KLF8: variants seen among roughly 807,000 people sequenced by gnomAD.
The protein encoded by KLF8 is Krueppel-like factor 8.
KLF8 carries 10 observed loss-of-function variants against 18.2 expected under a neutral mutation model. That is an observed-to-expected ratio of 0.55 (90% CI 0.34 to 0.93). KLF8 has a LOEUF of 0.93. Ranked by LOEUF, KLF8 falls within the 40% of genes least tolerant of loss-of-function variation. The probability of loss-of-function intolerance (pLI) is 0.02; values close to 1 mark genes in which losing one functional copy is unlikely to be tolerated. For synonymous variants in KLF8, 109 were observed against 97.3 expected (o/e 1.12, Z -0.71); for missense variants, 264 against 277.9 (o/e 0.95, Z 0.36).
the KLF8 span, among the ~76,000 whole-genome samples, chrX:56,093,173 C>G: frequency 1.6e-4 from 18 of 110,926 alleles, no homozygotes; most frequent in Non-Finnish European, 2.8e-4. Context: ...TAATAATAAA[C>G]AACAAACCAG....
the KLF8 span, among the ~76,000 whole-genome samples, chrX:55,987,324 A>T: frequency 2.7e-4 from 30 of 110,211 alleles, 1 homozygote; most frequent in East Asian, 8.3e-3. Context: ...AACATTAGGT[A>T]TATCTCCTAA....
At chrX:55,956,156 T>G in the KLF8 span, among the ~76,000 whole-genome samples, 14 of 100,364 alleles carry the variant, frequency 1.4e-4, no homozygotes, top group African/African-American at 6.4e-4. Context: ...TATCTATCTA[T>G]CTATCTATCT....
At position 56,288,986 on chromosome X, in the gene KLF8, T is replaced by C. The variant is rs763669777; in HGVS notation, c.*4492T>C. ...AAAGGAAATCACTATGTGCAGCCCA[T>C]GCTTCTGGAGTGGTAAGTTATATGC... On this transcript the variant is annotated 3_prime_UTR_variant, in exon 6 of 6. Transcript: ENST00000468660. 8.9e-6 allele frequency among the ~76,000 whole-genome samples: 1 copy of C among 112,128 alleles called. No individual in the cohort carries two copies. The highest frequency in any genetic ancestry group is 3.8e-4 in the South Asian group (1 of 2,666).
At chrX:56,166,966 A>C in the KLF8 span, among the ~76,000 whole-genome samples, 244 of 111,361 alleles carry the variant, frequency 2.2e-3, 1 homozygote, top group African/African-American at 7.7e-3. Flanking sequence ...ATGAGTTCTG[A>C]TGCATGTGTT....
At chrX:55,994,150 T>G in the KLF8 span, among the ~76,000 whole-genome samples, 1 of 110,325 alleles carries the variant, frequency 9.1e-6, no homozygotes, top group Non-Finnish European at 1.9e-5. Flanking sequence ...GGCCTCATGA[T>G]CCACCTGCCT....
the KLF8 span, among the ~76,000 whole-genome samples, chrX:55,946,255 C>T: frequency 1.8e-5 from 2 of 111,763 alleles, no homozygotes; most frequent in South Asian, 7.5e-4. Flanking sequence ...GCTACAGTAA[C>T]CAAAACAGCA....
At chrX:55,987,103 G>A in the KLF8 span, among the ~76,000 whole-genome samples, 1 of 110,648 alleles carries the variant, frequency 9.0e-6, no homozygotes. Flanking sequence ...TATTTTTATG[G>A]TAGAATGATT....
chrX:56,009,220 C>T, the KLF8 span, among the ~76,000 whole-genome samples: 22 of 110,617 alleles, frequency 2.0e-4, no homozygotes, highest in Non-Finnish European at 1.7e-4. Context: ...CAGTCTGGGA[C>T]GGAGCTCCCA....
chrX:56,125,968 T>C, the KLF8 span, among the ~76,000 whole-genome samples: 8 of 112,371 alleles, frequency 7.1e-5, no homozygotes, highest in Non-Finnish European at 1.5e-4. Flanking sequence ...TAAATTGTAG[T>C]GATTTTTATA....
At chrX:56,192,568 T>C in the KLF8 span, among the ~76,000 whole-genome samples, 1 of 111,809 alleles carries the variant, frequency 8.9e-6, no homozygotes, top group Non-Finnish European at 1.9e-5. Flanking sequence ...CTACAAATTA[T>C]GCAAAATCTA....
At chrX:56,068,336 C>G in the KLF8 span, among the ~76,000 whole-genome samples, 1 of 110,763 alleles carries the variant, frequency 9.0e-6, no homozygotes, top group Non-Finnish European at 1.9e-5. Context: ...CCCGACAGCC[C>G]ACTTCTGTTT....
the KLF8 span, among the ~76,000 whole-genome samples, chrX:56,160,971 T>C: frequency 9.0e-6 from 1 of 111,485 alleles, no homozygotes; most frequent in Non-Finnish European, 1.9e-5. Flanking sequence ...GTTGATGCAG[T>C]TTCTTCCTAG....
intron 2 of KLF8, among the ~76,000 whole-genome samples, chrX:56,260,508 C>T (rs1489344338): frequency 8.9e-6 from 1 of 111,877 alleles, no homozygotes; most frequent in Non-Finnish European, 1.9e-5. Flanking sequence ...TATATGCATA[C>T]ATATACATAT....
At chrX:56,072,690 T>C in the KLF8 span, among the ~76,000 whole-genome samples, 1 of 112,424 alleles carries the variant, frequency 8.9e-6, no homozygotes, top group African/African-American at 3.2e-5. Flanking sequence ...GTAAAAAATT[T>C]ATTCTGGTGA....
chrX:55,956,970 C>G, the KLF8 span, among the ~76,000 whole-genome samples: 1 of 111,283 alleles, frequency 9.0e-6, no homozygotes, highest in Admixed American at 9.6e-5. Context: ...AAATCATTGT[C>G]AAGTTCAATG....
At chrX:56,003,016 T>A in the KLF8 span, among the ~76,000 whole-genome samples, 6 of 112,191 alleles carry the variant, frequency 5.3e-5, no homozygotes, top group African/African-American at 1.9e-4. Context: ...TATTCACTTT[T>A]AGCTTTCACT....
chrX:56,094,236 G>T, the KLF8 span, among the ~76,000 whole-genome samples: 1 of 110,279 alleles, frequency 9.1e-6, no homozygotes, highest in African/African-American at 3.3e-5. Flanking sequence ...TAAATATAAA[G>T]ACCTAGATAG....
At chrX:56,064,500 C>T in the KLF8 span, among the ~76,000 whole-genome samples, 2 of 110,762 alleles carry the variant, frequency 1.8e-5, no homozygotes, top group African/African-American at 6.6e-5. Flanking sequence ...GAGAATTTAA[C>T]CTGCTTACAT....
At chrX:56,082,929 G>T in the KLF8 span, among the ~76,000 whole-genome samples, 4 of 111,775 alleles carry the variant, frequency 3.6e-5, no homozygotes, top group African/African-American at 1.3e-4. Flanking sequence ...TTTTATATGT[G>T]ACAGGTCACA....
Sources: gnomAD v4.1 joint callset for allele counts (sites outside exome capture counted in the v4.1 genomes callset) on GRCh38, gnomAD v4.1.1 for gene constraint, MANE v1.5 for transcripts, NCBI Gene and HGNC (gene_info 2026-07-23, HGNC 2026-07-21) for gene names.